The following MAEL variants were observed in gnomAD, a reference collection of about 807,000 sequenced individuals.
MAEL encodes protein maelstrom homolog.
A neutral mutation model predicts 62.0 loss-of-function variants in MAEL; 46 were observed. That is an observed-to-expected ratio of 0.74 (90% CI 0.59 to 0.95). MAEL has a LOEUF of 0.95. MAEL is among the 40% of genes least tolerant of loss of function. The pLI is 0.00. For missense variants in MAEL, 497 were observed against 526.8 expected, an observed-to-expected ratio of 0.94 and a Z score of 0.55; for synonymous variants, 172 against 175.5, an observed-to-expected ratio of 0.98 and a Z score of 0.16.
intron 8 of MAEL, among the ~76,000 whole-genome samples, chr1:167,015,827 C>G (rs1472476860): frequency 2.0e-5 from 3 of 152,112 alleles, no homozygotes; most frequent in African/African-American, 7.2e-5. Context: ...CTTTCTTGAT[C>G]TGTCTTTCCC....
At chr1:167,007,557 T>G (rs1324427806) in intron 8 of MAEL, among the ~76,000 whole-genome samples, 1 of 128,410 alleles carries the variant, frequency 7.8e-6, no homozygotes, top group Non-Finnish European at 1.6e-5. Context: ...AAATATATGT[T>G]TGTGTGTGTG....
Position 167,021,152 on chromosome 1 carries a change from C to T in MAEL, c.1109C>T (p.Thr370Ile), listed in dbSNP as rs985148490. The T allele has an allele frequency of 1.1e-5, 18 of 1,610,758 alleles. No individual in the cohort carries two copies. The highest frequency in any genetic ancestry group is 2.2e-5 in the South Asian group (2 of 90,916). Residue 370 changes from threonine to isoleucine, a missense_variant, in exon 11 of 12, where the codon ACA becomes ATA. By Grantham distance (89) the Thr-to-Ile change is moderately conservative. Transcript: ENST00000367872. The stretch of plus-strand genomic sequence containing the variant: ...TCTAATGAGGAACAAAGATCAAACA[C>T]ACCCATTGGTAAGCAACTTATATTT... ...NSSNEEQRSN[T>I]PIGDYPSRAK...
At chr1:166,978,214 G>A (rs1663652856) in intron 1 of MAEL, among the ~76,000 whole-genome samples, 1 of 152,140 alleles carries the variant, frequency 6.6e-6, no homozygotes. Context: ...GTAGTGCCCT[G>A]CATGTCTACT....
At chr1:166,981,736 G>A (rs1478540306) in intron 1 of MAEL, among the ~76,000 whole-genome samples, 1 of 152,182 alleles carries the variant, frequency 6.6e-6, no homozygotes, top group African/African-American at 2.4e-5. Flanking sequence ...ATAGGCAGAG[G>A]TGAGAATAGG....
At chr1:166,994,195 G>T (rs1056809219) in intron 5 of MAEL, 126 bp downstream of exon 5, 7 of 796,568 alleles carry the variant, frequency 8.8e-6, no homozygotes, top group Non-Finnish European at 1.4e-5. Context: ...TAGAGAATCT[G>T]CATAGATGTG....
chr1:167,016,609 G>A (rs997344591), intron 9 of MAEL, among the ~76,000 whole-genome samples: 3 of 152,060 alleles, frequency 2.0e-5, no homozygotes, highest in East Asian at 1.9e-4. Context: ...TAGAGCTACC[G>A]TTATGATCCA....
intron 8 of MAEL, among the ~76,000 whole-genome samples, chr1:167,010,646 C>G (rs1270276632): frequency 6.6e-6 from 1 of 152,060 alleles, no homozygotes; most frequent in Non-Finnish European, 1.5e-5. Context: ...CAGAGTCTTG[C>G]TGTGTTGCCC....
upstream of MAEL, among the ~76,000 whole-genome samples, chr1:166,988,292 G>C (rs1374632096): frequency 6.7e-6 from 1 of 149,186 alleles, no homozygotes; most frequent in Non-Finnish European, 1.5e-5. Context: ...CTAGGCTGCA[G>C]TGAGCCGGGA....
At chr1:166,997,167 A>G (rs764115823) in intron 5 of MAEL, among the ~76,000 whole-genome samples, 1 of 152,338 alleles carries the variant, frequency 6.6e-6, no homozygotes, top group East Asian at 1.9e-4. Flanking sequence ...TGGGCCACAC[A>G]TAAAATACAC....
Position 167,017,822 on chromosome 1 carries a change from T to C in MAEL, c.909-5T>C, listed in dbSNP as rs202155949. The C allele has an allele frequency of 3.8e-4, 613 of 1,600,512 alleles. 6 individuals are homozygous for C. The African/African-American group carries it at 7.3e-3, about 19-fold the overall frequency. Reference sequence around the variant, plus strand: ...CTGATAGTGAGATTTTTATTTCTTTTAAAGGTACTGCATCAGTAATTCTCT... The same window carrying C: ...CTGATAGTGAGATTTTTATTTCTTTCAAAGGTACTGCATCAGTAATTCTCT... On this transcript the variant is annotated splice_polypyrimidine_tract_variant and splice_region_variant and intron_variant, in intron 9 of 11. Coordinates refer to ENST00000367872, the MANE Select transcript of MAEL (RefSeq NM_032858.3).
At chr1:166,996,224 C>G (rs1178076762) in intron 5 of MAEL, among the ~76,000 whole-genome samples, 1 of 152,202 alleles carries the variant, frequency 6.6e-6, no homozygotes, top group Non-Finnish European at 1.5e-5. Context: ...CACACTGGAA[C>G]AAATTTACAT....
At chr1:166,978,344 G>T (rs1663656647) in intron 1 of MAEL, among the ~76,000 whole-genome samples, 1 of 152,162 alleles carries the variant, frequency 6.6e-6, no homozygotes, top group Non-Finnish European at 1.5e-5. Flanking sequence ...CCATCACCTT[G>T]CACATGTTGT....
intron 5 of MAEL, among the ~76,000 whole-genome samples, chr1:167,003,162 C>T (rs1234007835): frequency 3.9e-5 from 6 of 152,164 alleles, no homozygotes; most frequent in Admixed American, 1.3e-4. Flanking sequence ...GATCATAATT[C>T]ACTGCAGCCT....
chr1:167,014,688 G>A (rs975520710), intron 8 of MAEL, among the ~76,000 whole-genome samples: 1 of 152,096 alleles, frequency 6.6e-6, no homozygotes, highest in Admixed American at 6.6e-5. Flanking sequence ...GTTGAAAGGG[G>A]GGACCTTTCC....
intron 1 of MAEL, among the ~76,000 whole-genome samples, chr1:166,983,154 C>A (rs538801477): frequency 6.6e-6 from 1 of 152,082 alleles, no homozygotes; most frequent in South Asian, 2.1e-4. Flanking sequence ...AAGCTTTTTT[C>A]TATTCAACCT....
At position 167,004,273 on chromosome 1, in the gene MAEL, A is replaced by T. The variant is rs140068242; in HGVS notation, c.617A>T (p.Asn206Ile). The T allele has an allele frequency of 7.5e-5, 121 of 1,607,524 alleles. No homozygotes were observed. The highest frequency in any genetic ancestry group is 9.7e-5 in the Non-Finnish European group (114 of 1,177,290). Reference protein sequence around the residue: ...LQNLYRFIHPNPGNWPPIYCK... With the variant: ...LQNLYRFIHPIPGNWPPIYCK... ...AACCTTTATAGATTTATTCATCCCA[A>T]CCCAGGGAACTGGCCACCTATCTAC... Residue 206 changes from asparagine to isoleucine, a missense_variant, in exon 6 of 12, where the codon AAC becomes ATC. Asn to Ile is a moderately radical substitution (Grantham distance 149). Coordinates refer to ENST00000367872, the MANE Select transcript of MAEL (RefSeq NM_032858.3).
chr1:167,018,513 T>A (rs551679383), intron 10 of MAEL, among the ~76,000 whole-genome samples: 10 of 152,260 alleles, frequency 6.6e-5, no homozygotes, highest in African/African-American at 2.2e-4. Context: ...TCTGTACTAA[T>A]TTTTTATGTA....
chr1:166,987,375 G>C (rs1471260963), upstream of MAEL, among the ~76,000 whole-genome samples: 2 of 152,082 alleles, frequency 1.3e-5, no homozygotes, highest in Non-Finnish European at 2.9e-5. Flanking sequence ...TTTCATTCTT[G>C]AGTAGTAGTC....
intron 4 of MAEL, 99 bp downstream of exon 4, chr1:166,992,940 G>C: frequency 1.0e-6 from 1 of 969,180 alleles, no homozygotes; most frequent in East Asian, 2.8e-5. Context: ...ACAAGCTCAT[G>C]TACAGCTGTG....
Sources: allele counts gnomAD v4.1 joint callset (sites outside exome capture counted in the v4.1 genomes callset), GRCh38; gene constraint gnomAD v4.1.1; transcripts MANE v1.5; gene names NCBI Gene and HGNC (gene_info 2026-07-23, HGNC 2026-07-21).